EPHA8: variants seen among roughly 807,000 people sequenced by gnomAD.
EPHA8 encodes the protein ephrin type-A receptor 8.
EPHA8 carries 58 observed loss-of-function variants against 103.6 expected under a neutral mutation model. That is an observed-to-expected ratio of 0.56 (90% CI 0.45 to 0.70). EPHA8 has a LOEUF of 0.70. Ranked by LOEUF, EPHA8 falls within the 30% of genes least tolerant of loss-of-function variation. The probability of loss-of-function intolerance (pLI) is 0.00; values close to 1 mark genes in which losing one functional copy is unlikely to be tolerated. For missense variants in EPHA8, 1,304 were observed against 1,395.2 expected, an observed-to-expected ratio of 0.93 and a Z score of 1.04; for synonymous variants, 559 against 572.5, an observed-to-expected ratio of 0.98 and a Z score of 0.34.
chr1:22,591,834 T>C (rs1474892928), intron 5 of EPHA8, among the ~76,000 whole-genome samples: 2 of 152,078 alleles, frequency 1.3e-5, no homozygotes, highest in African/African-American at 2.4e-5. Flanking sequence ...CCCTGGAAGC[T>C]CCCCCGACCA....
chr1:22,570,228 G>A (rs72875409), intron 2 of EPHA8, among the ~76,000 whole-genome samples: 218 of 152,220 alleles, frequency 1.4e-3, no homozygotes, highest in African/African-American at 5.1e-3. Context: ...TCTCACCAGC[G>A]TGCTCAGAAA....
rs540623072 is a variant in EPHA8 at position 22,600,574 on chromosome 1, C to G, written c.2389-87C>G. ...GTCCCTCTGGACTGGAAAACAGGAC[C>G]CCAGTGTTTAGCTCTCTGACTCAGA... On this transcript the variant is annotated intron_variant, in intron 13 of 16. Coordinates refer to ENST00000166244, the MANE Select transcript of EPHA8 (RefSeq NM_020526.5). 3.2e-3 allele frequency: 4,985 copies of G among 1,535,576 alleles called. 19 individuals are homozygous for G. Among genetic ancestry groups the G allele is most frequent in the Non-Finnish European group, 4.1e-3 (4,664 of 1,131,230 alleles).
At position 22,600,702 on chromosome 1, in the gene EPHA8, C is replaced by T. The variant is rs267598408; in HGVS notation, c.2430C>T (p.Ile810=). 41 of 1,613,536 alleles carry T rather than the reference C, an allele frequency of 2.5e-5. No individual in the cohort carries two copies. The highest frequency in any genetic ancestry group is 3.3e-5 in the Non-Finnish European group (39 of 1,179,874). ...IPIRWTAPEA[I]AFRTFSSASD... ...TCCGCTGGACGGCCCCAGAGGCCAT[C>T]GCCTTCCGCACCTTCTCCTCGGCCA... Residue 810 remains isoleucine (I), a synonymous_variant, in exon 14 of 17, where the codon ATC becomes ATT. Transcript: ENST00000166244.
chr1:22,572,827 T>G (rs907818957), intron 2 of EPHA8, among the ~76,000 whole-genome samples: 14 of 152,170 alleles, frequency 9.2e-5, no homozygotes, highest in Admixed American at 2.0e-4. Context: ...CATCACGGGG[T>G]GGGGGTGCCC....
At chr1:22,599,521 G>A (rs575032314) in intron 13 of EPHA8, among the ~76,000 whole-genome samples, 2 of 151,666 alleles carry the variant, frequency 1.3e-5, no homozygotes, top group South Asian at 4.2e-4. Flanking sequence ...CTGTCCCACA[G>A]CCTCTGGGTA....
intron 15 of EPHA8, 42 bp from the exon 16 acceptor site, chr1:22,601,258 C>G: frequency 6.4e-7 from 1 of 1,569,308 alleles, no homozygotes; most frequent in Non-Finnish European, 8.6e-7. Context: ...GGTCCAGCCT[C>G]CCGAACCCTC....
Position 22,569,255 on chromosome 1 carries a change from G to T in EPHA8, c.95-34G>T. ...CTTGAGGAGCTGGGGAGAAGTCAGAGGGGCCTGATGCCCTCTTGTCTCCTG... is the reference window on the plus strand; with the variant it reads ...CTTGAGGAGCTGGGGAGAAGTCAGATGGGCCTGATGCCCTCTTGTCTCCTG... On this transcript the variant is annotated intron_variant, in intron 1 of 16. Transcript: ENST00000166244. This position sits in a 1 kb window ranked among gnomAD's most constrained non-coding sequence, Gnocchi z 4.5. The T allele has an allele frequency of 6.2e-7, 1 of 1,612,132 alleles. No individual in the cohort carries two copies. Among genetic ancestry groups the T allele is most frequent in the South Asian group, 1.1e-5 (1 of 90,950 alleles).
intron 3 of EPHA8, among the ~76,000 whole-genome samples, chr1:22,584,311 C>T (rs1641127483): frequency 6.6e-6 from 1 of 152,178 alleles, no homozygotes; most frequent in Non-Finnish European, 1.5e-5. Flanking sequence ...TAGACCTGAG[C>T]TCAGCCCCCA....
chr1:22,595,363 A>C (rs1570024086), intron 8 of EPHA8, 40 bp downstream of exon 8: 1 of 1,560,780 alleles, frequency 6.4e-7, no homozygotes, highest in Non-Finnish European at 8.8e-7. Context: ...CCCTCCTCTC[A>C]AGCACCGTAC....
At chr1:22,565,175 C>T (rs1452196158) in intron 1 of EPHA8, among the ~76,000 whole-genome samples, 2 of 152,196 alleles carry the variant, frequency 1.3e-5, no homozygotes. Flanking sequence ...ATATACATCA[C>T]ACCACATATG....
chr1:22,594,880 C>T lies in EPHA8; in HGVS notation c.1604-350C>T, dbSNP rs562325618. Among the ~76,000 whole-genome samples, 18 of 152,302 alleles carry T rather than the reference C, an allele frequency of 1.2e-4. No individual in the cohort carries two copies. The South Asian group carries it at 3.7e-3, about 32-fold the overall frequency. On this transcript the variant is annotated intron_variant, in intron 7 of 16. Transcript: ENST00000166244. ...GAGGGTTTACTGGGGCTTGAAGGTACAGCTCTCAGCACACTCCGTGTTGTC... is the reference window on the plus strand; with the variant it reads ...GAGGGTTTACTGGGGCTTGAAGGTATAGCTCTCAGCACACTCCGTGTTGTC...
In EPHA8 at chr1:22,597,906, G is replaced by C. The variant is rs370077161; in HGVS notation, c.2116+45G>C. 7.6e-5 allele frequency: 120 copies of C among 1,579,258 alleles called. No individual in the cohort carries two copies. Among genetic ancestry groups the C allele is most frequent in the Middle Eastern group, 5.1e-4 (3 of 5,900 alleles). ...AGCCTCCCCCTGCAGTGCCCCTCCT[G>C]CCTGGAGAGGCCTCTGGGTCCATCC... On this transcript the variant is annotated intron_variant, in intron 11 of 16. Coordinates refer to ENST00000166244, the MANE Select transcript of EPHA8 (RefSeq NM_020526.5). The surrounding 1 kb of genome is among the most constrained non-coding windows in gnomAD (Gnocchi z 4.6).
chr1:22,567,560 C>A lies in EPHA8; in HGVS notation c.95-1729C>A, dbSNP rs1196120368. 6.6e-6 allele frequency among the ~76,000 whole-genome samples: 1 copy of A among 152,056 alleles called. No homozygotes were observed. Among genetic ancestry groups the A allele is most frequent in the Non-Finnish European group, 1.5e-5 (1 of 67,996 alleles). ...AGGAATGCAGGGAGGAGCGCGGAGA[C>A]CCCCTCCCTAGTTCTGCCAGCCTCA... On this transcript the variant is annotated intron_variant, in intron 1 of 16. Transcript: ENST00000166244. The surrounding 1 kb of genome is among the most constrained non-coding windows in gnomAD (Gnocchi z 4.2).
At chr1:22,592,107 G>A (rs1461920313) in intron 5 of EPHA8, among the ~76,000 whole-genome samples, 1 of 152,068 alleles carries the variant, frequency 6.6e-6, no homozygotes, top group Non-Finnish European at 1.5e-5. Flanking sequence ...CAAATGTGGA[G>A]GACTGTGCTC....
rs116423698 is a variant in EPHA8 at position 22,566,978 on chromosome 1, G to T, written c.95-2311G>T. 3.1e-3 allele frequency among the ~76,000 whole-genome samples: 472 copies of T among 152,310 alleles called. 1 individual carries two copies. Among genetic ancestry groups the T allele is most frequent in the African/African-American group, 0.011 (450 of 41,558 alleles). On this transcript the variant is annotated intron_variant, in intron 1 of 16. Transcript: ENST00000166244. ...CCCATAGCCCTTCCTGAGTCCGATA[G>T]AATTGACTTTTGACTTATCTTTGGA...
intron 3 of EPHA8, among the ~76,000 whole-genome samples, chr1:22,581,057 C>T (rs1247165385): frequency 6.6e-6 from 1 of 152,222 alleles, no homozygotes; most frequent in East Asian, 1.9e-4. Flanking sequence ...GTCCCTGCCT[C>T]TGGGGACTTA....
intron 1 of EPHA8, among the ~76,000 whole-genome samples, chr1:22,568,500 C>T (rs1423991884): frequency 6.6e-6 from 1 of 152,254 alleles, no homozygotes; most frequent in Non-Finnish European, 1.5e-5. Context: ...CTGTGGGGCT[C>T]TTGGCACATT....
At chr1:22,601,204 G>GC (rs1021597891) in intron 15 of EPHA8, 96 bp from the exon 16 acceptor site, 1 of 1,530,866 alleles carries the variant, frequency 6.5e-7, no homozygotes, top group African/African-American at 1.4e-5. Context: ...TGGGCCCCCG[G>GC]CCCCTGCCCT....
intron 3 of EPHA8, among the ~76,000 whole-genome samples, chr1:22,579,270 T>C (rs1044678821): frequency 6.6e-6 from 1 of 151,654 alleles, no homozygotes; most frequent in Admixed American, 6.6e-5. Flanking sequence ...CGTGCATGTG[T>C]CAGAGTGTAT....
Sources: allele counts gnomAD v4.1 joint callset (sites outside exome capture counted in the v4.1 genomes callset), GRCh38; gene constraint gnomAD v4.1.1; non-coding constraint Gnocchi (gnomAD v3.1); transcripts MANE v1.5; gene names NCBI Gene and HGNC (gene_info 2026-07-23, HGNC 2026-07-21).